BLK: variants seen among roughly 807,000 people sequenced by gnomAD.
BLK encodes BLK proto-oncogene, Src family tyrosine kinase, also known as tyrosine-protein kinase Blk.
BLK carries 64 observed loss-of-function variants against 61.8 expected under a neutral mutation model. The observed-to-expected ratio is 1.03, with a 90% CI of 0.85 to 1.27. The LOEUF is 1.27. Ranked by LOEUF, BLK falls within the 50% of genes most tolerant of loss-of-function variation. The pLI, the probability that BLK is intolerant of heterozygous loss-of-function variation, is 0.00. For missense variants in BLK, 853 were observed against 660.5 expected, an observed-to-expected ratio of 1.29 and a Z score of -3.19; for synonymous variants, 351 against 272.0, an observed-to-expected ratio of 1.29 and a Z score of -2.86.
At chr8:11,524,918 C>A (rs76027538) in intron 1 of BLK, among the ~76,000 whole-genome samples, 493 of 127,548 alleles carry the variant, frequency 3.9e-3, no homozygotes, top group East Asian at 6.7e-3. Context: ...TGCTTTTTTA[C>A]AAAAAAAAAA....
At chr8:11,535,727 A>G (rs956160127) in intron 1 of BLK, among the ~76,000 whole-genome samples, 3 of 152,194 alleles carry the variant, frequency 2.0e-5, no homozygotes, top group African/African-American at 7.2e-5. Flanking sequence ...GTGCAGGTAA[A>G]CACTGTGAGC....
intron 10 of BLK, chr8:11,559,065 T>G: frequency 2.2e-6 from 1 of 451,636 alleles, no homozygotes; most frequent in Non-Finnish European, 4.5e-6. Context: ...TGCTGCTTCC[T>G]TTCCCCTTCC....
At chr8:11,531,007 G>A (rs1799863921) in intron 1 of BLK, among the ~76,000 whole-genome samples, 1 of 152,174 alleles carries the variant, frequency 6.6e-6, no homozygotes, top group East Asian at 1.9e-4. Flanking sequence ...GCCAACACTT[G>A]GTATGATCGG....
chr8:11,532,525 A>G (rs1212605928), intron 1 of BLK, among the ~76,000 whole-genome samples: 2 of 151,658 alleles, frequency 1.3e-5, no homozygotes, highest in Non-Finnish European at 2.9e-5. Flanking sequence ...TTTTTTCTTA[A>G]TTTCAGATAT....
At chr8:11,503,217 G>A (rs1798634446) in intron 1 of BLK, among the ~76,000 whole-genome samples, 1 of 152,204 alleles carries the variant, frequency 6.6e-6, no homozygotes, top group South Asian at 2.1e-4. Flanking sequence ...GCATCTAAAA[G>A]GACATTTGAT....
chr8:11,501,531 C>A (rs575301723), intron 1 of BLK, among the ~76,000 whole-genome samples: 1 of 152,262 alleles, frequency 6.6e-6, no homozygotes, highest in South Asian at 2.1e-4. Flanking sequence ...GTTTAACAAC[C>A]AGCTTTCCAG....
chr8:11,499,436 G>C (rs1798476681), intron 1 of BLK, among the ~76,000 whole-genome samples: 1 of 152,226 alleles, frequency 6.6e-6, no homozygotes, highest in African/African-American at 2.4e-5. Flanking sequence ...GTCAGTCCAA[G>C]AGCTGTGTGT....
At chr8:11,528,578 C>G (rs1799765680) in intron 1 of BLK, among the ~76,000 whole-genome samples, 1 of 152,124 alleles carries the variant, frequency 6.6e-6, no homozygotes, top group Admixed American at 6.5e-5. Context: ...AATGATTGCT[C>G]TAACTTCTTC....
chr8:11,508,934 G>A (rs890809824), intron 1 of BLK, among the ~76,000 whole-genome samples: 1 of 152,194 alleles, frequency 6.6e-6, no homozygotes, highest in African/African-American at 2.4e-5. Context: ...GAAATGCTGG[G>A]CGCCTTTTGT....
intron 1 of BLK, among the ~76,000 whole-genome samples, chr8:11,533,566 T>C (rs1033434262): frequency 3.0e-4 from 44 of 148,806 alleles, no homozygotes; most frequent in African/African-American, 1.0e-3. Context: ...TGTGCTTCAG[T>C]TTCTTCCCTG....
chr8:11,554,776 C>A lies in BLK; in HGVS notation c.506C>A (p.Thr169Asn), dbSNP rs1267186900. 1.2e-6 allele frequency: 2 copies of A among 1,613,862 alleles called. No homozygotes were observed. Among genetic ancestry groups the A allele is most frequent in the African/African-American group, 2.7e-5 (2 of 74,914 alleles). Residue 169 changes from threonine to asparagine, a missense_variant, in exon 7 of 13, where the codon ACC becomes AAC. Thr to Asn is a moderately conservative substitution (Grantham distance 65). Transcript: ENST00000259089. ...AFSLSVKDVT[T>N]QGELIKHYKI... is the part of the protein sequence containing the mutation. ...TCCCTGTCTGTGAAGGATGTCACCA[C>A]CCAGGGGGAGCTGATCAAGCACTAT... is the stretch of plus-strand genomic sequence containing the variant.
intron 12 of BLK, 59 bp from the exon 13 acceptor site, chr8:11,563,843 GC>G (rs1334402941): frequency 6.6e-6 from 10 of 1,511,694 alleles, no homozygotes; most frequent in South Asian, 2.4e-5. Context: ...GACGCTCAGG[GC>G]CCCCCACCCA....
At position 11,561,001 on chromosome 8, in the gene BLK, C is replaced by T. The variant is rs375227470; in HGVS notation, c.1030-301C>T. 13 of 583,862 alleles carry T rather than the reference C, an allele frequency of 2.2e-5. No individual in the cohort carries two copies. In the African/African-American group the frequency reaches 2.4e-4, roughly 11 times the overall value. The allele number at this position is 583,862 out of a possible 1,614,324, so 36.2% of individuals were successfully genotyped here. A position where few individuals can be genotyped will look rare whatever the true frequency, so the allele number is the denominator to read the frequency against. On this transcript the variant is annotated intron_variant, in intron 10 of 12. Transcript: ENST00000259089. ...CTCCCTCCCTCTCCTTTTCTCCTGC[C>T]TGTGTTCTTCTATCTTCCATCTCTG...
chr8:11,546,235 G>C (rs1209205276), intron 3 of BLK, 132 bp downstream of exon 3: 9 of 1,107,344 alleles, frequency 8.1e-6, no homozygotes, highest in Non-Finnish European at 1.2e-5. Flanking sequence ...AGCTGAGAGA[G>C]GCCCCGGCTC....
chr8:11,504,363 GGAAGAAAGAAAAGAAAAGAAAAGA>G (rs1338752040), intron 1 of BLK, among the ~76,000 whole-genome samples: 26 of 102,540 alleles, frequency 2.5e-4, no homozygotes, highest in Non-Finnish European at 3.1e-4. Flanking sequence ...AAGGAAGGAA[GGAAGAAAGAAAAGAAAAGAAAAGA>G]AAAGAAAAGA....
At chr8:11,532,093 A>T (rs988955360) in intron 1 of BLK, among the ~76,000 whole-genome samples, 1 of 152,140 alleles carries the variant, frequency 6.6e-6, no homozygotes, top group Non-Finnish European at 1.5e-5. Context: ...CCCTGACCTC[A>T]AGTAATTCAC....
rs778510725 is a variant in BLK at position 11,559,772 on chromosome 8, A to T, written c.1030-1530A>T. 4.6e-4 allele frequency: 208 copies of T among 456,064 alleles called. 1 individual carries two copies. Among genetic ancestry groups the T allele is most frequent in the Middle Eastern group, 1.9e-3 (6 of 3,098 alleles). The allele number at this position is 456,064 out of a possible 1,614,324, so 28.3% of individuals were successfully genotyped here. ...TACCTCCTCTGCCCAGGAAGCCTTG[A>T]ACACTTCCCACCTGGCAGAATCCTT... On this transcript the variant is annotated intron_variant, in intron 10 of 12. Coordinates refer to ENST00000259089, the MANE Select transcript of BLK (RefSeq NM_001715.3).
At position 11,558,278 on chromosome 8, in the gene BLK, C is replaced by CG. The variant is rs1801326670; in HGVS notation, c.1029+240_1029+241insG. The stretch of plus-strand genomic sequence containing the variant: ...GGAGCCCAGGGAATGGAGCCTTAGA[C>CG]CCGGGCTGCTGTGTTGGAATGAGGC... On this transcript the variant is annotated intron_variant, in intron 10 of 12. Transcript: ENST00000259089. Among the ~76,000 whole-genome samples, 11 of 152,198 alleles carry CG rather than the reference C, an allele frequency of 7.2e-5. No individual in the cohort carries two copies. The South Asian group carries it at 2.3e-3, about 32-fold the overall frequency.
Position 11,562,980 on chromosome 8 carries a change from G to A in BLK, c.1182G>A (p.Gly394=). The A allele has an allele frequency of 6.2e-7, 1 of 1,614,032 alleles. No individual in the cohort carries two copies. Among genetic ancestry groups the A allele is most frequent in the Non-Finnish European group, 8.5e-7 (1 of 1,180,012 alleles). The change falls in exon 12 of 13, where the codon GGG becomes GGA. Residue 394 remains glycine (G), a splice_region_variant and synonymous_variant. Transcript: ENST00000259089. Reference sequence around the variant, plus strand: ...AAGCTTGCATGGCTTTTCCCACAGGGGCCAAGTTCCCCATCAAGTGGACAG... The same window carrying A: ...AAGCTTGCATGGCTTTTCCCACAGGAGCCAAGTTCCCCATCAAGTGGACAG... ...IIDSEYTAQE[G]AKFPIKWTAP...
Sources: gnomAD v4.1 joint callset for allele counts (sites outside exome capture counted in the v4.1 genomes callset) on GRCh38, gnomAD v4.1.1 for gene constraint, MANE v1.5 for transcripts, NCBI Gene and HGNC (gene_info 2026-07-23, HGNC 2026-07-21) for gene names.